Variants in RPS6KC1 observed in about 807,000 individuals in gnomAD.
RPS6KC1 encodes inactive ribosomal protein S6 kinase delta-1.
A neutral mutation model predicts 103.8 loss-of-function variants in RPS6KC1; 54 were observed. The ratio of observed to expected loss-of-function variants is 0.52; its 90% CI spans 0.42 to 0.65. RPS6KC1 has a LOEUF of 0.65. Ranked by LOEUF, RPS6KC1 falls within the 30% of genes least tolerant of loss-of-function variation. RPS6KC1 has a pLI of 0.00. For synonymous variants in RPS6KC1, 439 were observed against 438.7 expected (o/e 1.00, Z -0.01); for missense variants, 1,151 against 1,253.8 (o/e 0.92, Z 1.24).
intron 1 of RPS6KC1, among the ~76,000 whole-genome samples, chr1:213,059,690 T>C (rs2077648812): frequency 6.6e-6 from 1 of 151,980 alleles, no homozygotes; most frequent in Non-Finnish European, 1.5e-5. Context: ...TTTTTTTTTT[T>C]TGAGACGCAT....
the RPS6KC1 span, among the ~76,000 whole-genome samples, chr1:213,856,719 C>T: frequency 6.6e-6 from 1 of 152,218 alleles, no homozygotes; most frequent in Non-Finnish European, 1.5e-5. Context: ...GTGGGCACTT[C>T]CCTAAGTTCA....
chr1:213,089,255 G>A (rs970687710), intron 3 of RPS6KC1, among the ~76,000 whole-genome samples: 6 of 152,148 alleles, frequency 3.9e-5, no homozygotes, highest in South Asian at 2.1e-4. Context: ...AACTCTTACC[G>A]TTGTAGGCTG....
chr1:213,156,493 A>G (rs1226208654), intron 6 of RPS6KC1, among the ~76,000 whole-genome samples: 2 of 152,224 alleles, frequency 1.3e-5, no homozygotes, highest in Non-Finnish European at 2.9e-5. Context: ...AAAGTCCGAT[A>G]AACCCCAAGC....
the RPS6KC1 span, among the ~76,000 whole-genome samples, chr1:213,656,928 C>T: frequency 2.0e-4 from 31 of 152,280 alleles, no homozygotes; most frequent in African/African-American, 7.2e-4. Context: ...GCAGATAATG[C>T]AGCAGAGGCT....
At chr1:213,303,591 G>A in the RPS6KC1 span, among the ~76,000 whole-genome samples, 2 of 152,090 alleles carry the variant, frequency 1.3e-5, no homozygotes, top group African/African-American at 4.8e-5. Context: ...CCCTGGCTGT[G>A]TTTCTCCTGA....
chr1:213,458,302 C>T, the RPS6KC1 span, among the ~76,000 whole-genome samples: 1 of 152,184 alleles, frequency 6.6e-6, no homozygotes, highest in African/African-American at 2.4e-5. Flanking sequence ...CCTCCAGCTG[C>T]ATCCATGTTG....
the RPS6KC1 span, among the ~76,000 whole-genome samples, chr1:213,541,858 T>A: frequency 6.6e-6 from 1 of 152,198 alleles, no homozygotes; most frequent in African/African-American, 2.4e-5. Flanking sequence ...AGGTTACCTT[T>A]GAACATGTGC....
chr1:213,157,321 C>G (rs2090000905), intron 6 of RPS6KC1, among the ~76,000 whole-genome samples: 1 of 152,048 alleles, frequency 6.6e-6, no homozygotes. Flanking sequence ...CATCTCCTGC[C>G]TCAGCCTCCT....
At chr1:213,371,483 A>G in the RPS6KC1 span, among the ~76,000 whole-genome samples, 71,256 of 152,026 alleles carry the variant, frequency 0.47, 20,519 homozygotes, top group African/African-American at 0.82. Context: ...GAATCATCTG[A>G]TAACTGTATG....
At chr1:213,548,558 G>A in the RPS6KC1 span, among the ~76,000 whole-genome samples, 1 of 152,196 alleles carries the variant, frequency 6.6e-6, no homozygotes, top group Non-Finnish European at 1.5e-5. Flanking sequence ...ATACTTAGGA[G>A]GCTGAGGTGG....
At chr1:213,054,342 T>A (rs1472221839) in intron 1 of RPS6KC1, among the ~76,000 whole-genome samples, 1 of 152,236 alleles carries the variant, frequency 6.6e-6, no homozygotes, top group Non-Finnish European at 1.5e-5. Context: ...ATTTATTGCT[T>A]ATGTTACAGA....
chr1:213,199,647 G>C (rs1411397292), intron 8 of RPS6KC1, among the ~76,000 whole-genome samples: 2 of 152,102 alleles, frequency 1.3e-5, no homozygotes, highest in Non-Finnish European at 2.9e-5. Context: ...TCTTGGCCAG[G>C]GTAATCAGGC....
At chr1:213,618,882 C>T in the RPS6KC1 span, among the ~76,000 whole-genome samples, 1 of 152,076 alleles carries the variant, frequency 6.6e-6, no homozygotes. Flanking sequence ...TGGAGGGATA[C>T]AAAAAATAAA....
chr1:213,602,189 TTTCC>T, the RPS6KC1 span, among the ~76,000 whole-genome samples: 72 of 103,356 alleles, frequency 7.0e-4, no homozygotes, highest in Middle Eastern at 4.1e-3. Context: ...TTTCTTTCTT[TTTCC>T]CTCCCTCCCT....
chr1:213,125,458 A>C (rs1313969029), intron 5 of RPS6KC1, among the ~76,000 whole-genome samples: 3 of 151,820 alleles, frequency 2.0e-5, no homozygotes, highest in Non-Finnish European at 4.4e-5. Context: ...TTTTTTGTAC[A>C]CCTCTGATAG....
chr1:213,820,782 A>T, the RPS6KC1 span: 2 of 152,202 alleles, frequency 1.3e-5, no homozygotes, highest in Non-Finnish European at 2.9e-5. Context: ...GTCACGCTTC[A>T]GCCCTTCCGT....
chr1:213,656,281 T>G, the RPS6KC1 span, among the ~76,000 whole-genome samples: 2 of 152,132 alleles, frequency 1.3e-5, no homozygotes, highest in Non-Finnish European at 2.9e-5. Context: ...TTTAGGAAAC[T>G]TCCCCCAGCC....
intron 6 of RPS6KC1, among the ~76,000 whole-genome samples, chr1:213,155,083 C>G (rs904109664): frequency 2.6e-5 from 4 of 152,212 alleles, no homozygotes; most frequent in African/African-American, 7.2e-5. Flanking sequence ...CCACACAACT[C>G]TGACCAGTGC....
At chr1:213,332,284 A>T in the RPS6KC1 span, among the ~76,000 whole-genome samples, 1 of 152,224 alleles carries the variant, frequency 6.6e-6, no homozygotes, top group Non-Finnish European at 1.5e-5. Context: ...GGTTGAATTC[A>T]GTGTATTAAG....
Sources: allele counts gnomAD v4.1 joint callset (sites outside exome capture counted in the v4.1 genomes callset), GRCh38; gene constraint gnomAD v4.1.1; transcripts MANE v1.5; gene names NCBI Gene and HGNC (gene_info 2026-07-23, HGNC 2026-07-21).